The following ABCD2 variants were observed in gnomAD, a reference collection of about 807,000 sequenced individuals.
The protein encoded by ABCD2 is ATP binding cassette subfamily D member 2, also known as ATP-binding cassette sub-family D member 2.
Under a neutral mutation model 70.9 loss-of-function variants are expected in ABCD2, and 36 were observed. The observed-to-expected ratio is 0.51, with a 90% CI of 0.39 to 0.67. ABCD2 has a LOEUF of 0.67. Ranked by LOEUF, ABCD2 falls within the 30% of genes least tolerant of loss-of-function variation. ABCD2 has a pLI of 0.00. For missense variants in ABCD2, 729 were observed against 890.2 expected (o/e 0.82, Z 2.30); for synonymous variants, 304 against 306.9 (o/e 0.99, Z 0.10).
At chr12:39,563,118 A>G (rs1941285558) in intron 9 of ABCD2, among the ~76,000 whole-genome samples, 1 of 152,238 alleles carries the variant, frequency 6.6e-6, no homozygotes, top group Non-Finnish European at 1.5e-5. Context: ...ACATCCTTTT[A>G]TGCTAAAAAC....
At chr12:39,588,070 T>A (rs1941690180) in intron 6 of ABCD2, among the ~76,000 whole-genome samples, 1 of 152,186 alleles carries the variant, frequency 6.6e-6, no homozygotes. Flanking sequence ...GCAAGGGTTC[T>A]CACTGTGGAA....
At chr12:39,579,444 G>T in intron 8 of ABCD2, 91 bp downstream of exon 8, 2 of 859,096 alleles carry the variant, frequency 2.3e-6, no homozygotes, top group South Asian at 3.3e-5. Flanking sequence ...AGATGAAGAC[G>T]ATAAATCCTG....
chr12:39,551,175 T>C lies in ABCD2; in HGVS notation c.*2737A>G, dbSNP rs1379885588. The C allele has an allele frequency of 6.6e-6, 1 of 151,682 alleles. No individual in the cohort carries two copies. The highest frequency in any genetic ancestry group is 2.4e-5 in the African/African-American group (1 of 41,426). The allele number at this position is 151,682 out of a possible 1,614,324, so 9.4% of individuals were successfully genotyped here. ...AACTGTTTTAGACTCATGCTTGGCA[T>C]AACATTACATGCTGTAGAAATATAA... On this transcript the variant is annotated 3_prime_UTR_variant, in exon 10 of 10. Coordinates refer to ENST00000308666, the MANE Select transcript of ABCD2 (RefSeq NM_005164.4).
At chr12:39,542,714 G>C in the ABCD2 span, among the ~76,000 whole-genome samples, 34 of 152,274 alleles carry the variant, frequency 2.2e-4, no homozygotes, top group African/African-American at 7.5e-4. Context: ...AGGGGTGACT[G>C]AATTAGGTAG....
chr12:39,565,444 G>A (rs1941330020), intron 9 of ABCD2, among the ~76,000 whole-genome samples: 1 of 152,134 alleles, frequency 6.6e-6, no homozygotes, highest in Non-Finnish European at 1.5e-5. Context: ...TGTTATTGGT[G>A]TATAAGAATG....
At position 39,619,799 on chromosome 12, in the gene ABCD2, C is replaced by A; in HGVS notation, c.-184G>T. 1 of 588,900 alleles carries A rather than the reference C, an allele frequency of 1.7e-6. No individual in the cohort carries two copies. Among genetic ancestry groups the A allele is most frequent in the Non-Finnish European group, 3.0e-6 (1 of 338,418 alleles). 36.5% of individuals were successfully genotyped at this position (588,900 alleles called of 1,614,324 possible). ...ATGCAGCAGAGCTCAGACTCCGCTG[C>A]ATCTACCGGGAATGATTCTCTCAGA... is the stretch of plus-strand genomic sequence containing the variant. On this transcript the variant is annotated 5_prime_UTR_variant, in exon 1 of 10. It removes an upstream start codon present in the reference 5' UTR. Coordinates refer to ENST00000308666, the MANE Select transcript of ABCD2 (RefSeq NM_005164.4).
At chr12:39,614,888 A>G (rs1942095075) in intron 2 of ABCD2, among the ~76,000 whole-genome samples, 1 of 151,870 alleles carries the variant, frequency 6.6e-6, no homozygotes, top group South Asian at 2.1e-4. Flanking sequence ...ATATGAATTC[A>G]TTTTTCTGTC....
At chr12:39,613,159 G>A (rs1942068020) in intron 2 of ABCD2, among the ~76,000 whole-genome samples, 1 of 87,692 alleles carries the variant, frequency 1.1e-5, no homozygotes, top group Admixed American at 9.5e-5. Flanking sequence ...GGCCGAGGCG[G>A]GCGGATCACG....
chr12:39,618,788 G>T lies in ABCD2; in HGVS notation c.828C>A (p.Pro276=). The change falls in exon 1 of 10, where the codon CCC becomes CCA. Residue 276 remains proline (P), a synonymous_variant. Transcript: ENST00000308666. ...ATAKVLKACS[P]KFGKLVAEEA... ...CCTCTGCCACCAGTTTGCCAAATTT[G>T]GGAGAACAGGCTTTTAACACTTTAG... is the stretch of plus-strand genomic sequence containing the variant. 6.2e-7 allele frequency: 1 copy of T among 1,614,200 alleles called. No homozygotes were observed. The highest frequency in any genetic ancestry group is 8.5e-7 in the Non-Finnish European group (1 of 1,180,038).
chr12:39,604,793 T>C lies in ABCD2; in HGVS notation c.1374A>G (p.Glu458=). The C allele has an allele frequency of 6.2e-7, 1 of 1,607,190 alleles. No homozygotes were observed. The highest frequency in any genetic ancestry group is 8.5e-7 in the Non-Finnish European group (1 of 1,177,688). Residue 458 remains glutamate (E), a synonymous_variant, in exon 4 of 10, where the codon GAA becomes GAG. Transcript: ENST00000308666. ...ESHSKNGAKV[E]LPLSDTLAIK... is the part of the protein sequence containing the mutation. The stretch of plus-strand genomic sequence containing the variant: ...TTGCCAATGTGTCACTGAGAGGTAA[T>C]TCTACCTTAGCTCCATTCTTGCTAT...
In ABCD2 at chr12:39,582,744, G is replaced by T. The variant is rs774640692; in HGVS notation, c.1793-3125C>A. Among the ~76,000 whole-genome samples, 5 of 152,194 alleles carry T rather than the reference G, an allele frequency of 3.3e-5. No individual in the cohort carries two copies. In the East Asian group the frequency reaches 9.6e-4, roughly 29 times the overall value. ...TTCTTGCCTGCCTTATTTGTTTATT[G>T]TAAGGATCAAATGAAATAATGTATG... On this transcript the variant is annotated intron_variant, in intron 7 of 9. Transcript: ENST00000308666.
At chr12:39,555,707 T>C (rs142744026) in intron 9 of ABCD2, among the ~76,000 whole-genome samples, 486 of 152,298 alleles carry the variant, frequency 3.2e-3, no homozygotes, top group Non-Finnish European at 5.8e-3. Flanking sequence ...CCCTCACTTC[T>C]GCTGGTACCT....
chr12:39,608,091 C>T (rs930708032), intron 2 of ABCD2, among the ~76,000 whole-genome samples: 1 of 151,974 alleles, frequency 6.6e-6, no homozygotes, highest in Non-Finnish European at 1.5e-5. Context: ...TCACTTGAAC[C>T]TGGGAGGTGG....
chr12:39,603,916 A>C lies in ABCD2; in HGVS notation c.1496T>G (p.Phe499Cys). The C allele has an allele frequency of 6.2e-7, 1 of 1,607,092 alleles. No homozygotes were observed. The highest frequency in any genetic ancestry group is 8.5e-7 in the Non-Finnish European group (1 of 1,174,296). ...AGEVVASRLN[F>C]KVEEGMHLLI... is the part of the protein sequence containing the mutation. ...GATTCTTGAATATCATCTTACTTTGAAGTTTAGCCTGGAAGCCACCACTTC... is the reference window on the plus strand; with the variant it reads ...GATTCTTGAATATCATCTTACTTTGCAGTTTAGCCTGGAAGCCACCACTTC... The change falls in exon 5 of 10, where the codon TTC (phenylalanine) becomes TGC (cysteine). Residue 499 changes from phenylalanine to cysteine, a missense_variant. By Grantham distance (205) the Phe-to-Cys change is radical. Transcript: ENST00000308666.
chr12:39,585,761 A>G (rs1941655761), intron 7 of ABCD2, among the ~76,000 whole-genome samples: 1 of 152,154 alleles, frequency 6.6e-6, no homozygotes, highest in Non-Finnish European at 1.5e-5. Flanking sequence ...GAAAACAAAA[A>G]AAGTTCTGTG....
At chr12:39,563,480 C>T (rs1941291737) in intron 9 of ABCD2, among the ~76,000 whole-genome samples, 1 of 151,972 alleles carries the variant, frequency 6.6e-6, no homozygotes, top group South Asian at 2.1e-4. Context: ...CACTTACATT[C>T]AGTGTACTAC....
intron 9 of ABCD2, among the ~76,000 whole-genome samples, chr12:39,557,004 C>T (rs974962297): frequency 2.6e-5 from 4 of 151,632 alleles, no homozygotes; most frequent in African/African-American, 9.7e-5. Flanking sequence ...AAAAGATTCC[C>T]AAAAATGTGG....
At chr12:39,541,380 G>A in the ABCD2 span, among the ~76,000 whole-genome samples, 1 of 152,156 alleles carries the variant, frequency 6.6e-6, no homozygotes, top group Admixed American at 6.5e-5. Context: ...TCGGTGAGGG[G>A]GCAGCTTTCC....
At chr12:39,596,985 GA>G (rs1422798853) in intron 6 of ABCD2, among the ~76,000 whole-genome samples, 4 of 151,952 alleles carry the variant, frequency 2.6e-5, no homozygotes, top group Admixed American at 2.6e-4. Flanking sequence ...TTGTTTGTAT[GA>G]TTTTTTATGG....
Sources: allele counts gnomAD v4.1 joint callset (sites outside exome capture counted in the v4.1 genomes callset), GRCh38; gene constraint gnomAD v4.1.1; transcripts MANE v1.5; gene names NCBI Gene and HGNC (gene_info 2026-07-23, HGNC 2026-07-21).